SPEG: variants seen among roughly 807,000 people sequenced by gnomAD.
SPEG encodes the protein striated muscle preferentially expressed protein kinase.
SPEG carries 114 observed loss-of-function variants against 300.4 expected under a neutral mutation model. That is an observed-to-expected ratio of 0.38 (90% CI 0.33 to 0.44). SPEG has a LOEUF of 0.44. SPEG is among the 20% of genes least tolerant of loss of function. SPEG has a pLI of 1.00. For synonymous variants in SPEG, 1,964 were observed against 2,018.9 expected, an observed-to-expected ratio of 0.97 and a Z score of 0.73; for missense variants, 4,201 against 4,586.2, an observed-to-expected ratio of 0.92 and a Z score of 2.43.
At position 219,444,541 on chromosome 2, in the gene SPEG, C is replaced by T; in HGVS notation, c.389-112C>T. 1 of 878,150 alleles carries T rather than the reference C, an allele frequency of 1.1e-6. No homozygotes were observed. The highest frequency in any genetic ancestry group is 1.9e-6 in the Non-Finnish European group (1 of 540,004). The allele number at this position is 878,150 out of a possible 1,614,324, so 54.4% of individuals were successfully genotyped here. A position where few individuals can be genotyped will look rare whatever the true frequency, so the allele number is the denominator to read the frequency against. On this transcript the variant is annotated intron_variant, in intron 1 of 40. Coordinates refer to ENST00000312358, the MANE Select transcript of SPEG (RefSeq NM_005876.5). The surrounding 1 kb of genome is among the most constrained non-coding windows in gnomAD (Gnocchi z 7.8). The stretch of plus-strand genomic sequence containing the variant: ...AGCAAAAGAGAGGAGGTGCTGGCAG[C>T]CCTGCCAGTGATAAGATGGAGCCTG...
Position 219,467,663 on chromosome 2 carries a change from T to C in SPEG, c.3142+229T>C, listed in dbSNP as rs1691496598. On this transcript the variant is annotated intron_variant, in intron 10 of 40. Transcript: ENST00000312358. ...TTAACTGTTCCTAGGAGGGAGTGCA[T>C]CTGCTGAGGTGAACGTGGGTTCCCA... Among the ~76,000 whole-genome samples the C allele has an allele frequency of 2.0e-5, 3 of 152,340 alleles. No homozygotes were observed. In the South Asian group the frequency reaches 6.2e-4, roughly 32 times the overall value.
chr2:219,481,364 A>G lies in SPEG; in HGVS notation c.5430A>G (p.Arg1810=). The part of the protein sequence containing the change: ...ENDRTTLMNI[R]NYNVAFEETT... Reference sequence around the variant, plus strand: ...ACCGGACAACATTGATGAACATCCGAAACTACAACGTGGCCTTCGAGGAGA... The same window carrying G: ...ACCGGACAACATTGATGAACATCCGGAACTACAACGTGGCCTTCGAGGAGA... Residue 1810 remains arginine, a synonymous_variant, in exon 27 of 41, where the codon CGA becomes CGG. Coordinates refer to ENST00000312358, the MANE Select transcript of SPEG (RefSeq NM_005876.5). This position sits in a 1 kb window ranked among gnomAD's most constrained non-coding sequence, Gnocchi z 5.4. 1 of 1,614,122 alleles carries G rather than the reference A, an allele frequency of 6.2e-7. No individual in the cohort carries two copies. Among genetic ancestry groups the G allele is most frequent in the Non-Finnish European group, 8.5e-7 (1 of 1,180,026 alleles).
chr2:219,473,444 G>A lies in SPEG; in HGVS notation c.4148-60G>A. On this transcript the variant is annotated intron_variant, in intron 16 of 40. Transcript: ENST00000312358. This position sits in a 1 kb window ranked among gnomAD's most constrained non-coding sequence, Gnocchi z 4.6. ...TGTTGATGAGGGGTGTTAGAGGAGT[G>A]GTGGGTGCTGAGGACCTGATGTCAA... 2 of 1,522,458 alleles carry A rather than the reference G, an allele frequency of 1.3e-6. No homozygotes were observed. Among genetic ancestry groups the A allele is most frequent in the Non-Finnish European group, 9.1e-7 (1 of 1,101,634 alleles). The allele number at this position is 1,522,458 out of a possible 1,614,324, so 94.3% of individuals were successfully genotyped here. A position where few individuals can be genotyped will look rare whatever the true frequency, so the allele number is the denominator to read the frequency against.
intron 3 of SPEG, 109 bp from the exon 4 acceptor site, chr2:219,447,865 C>T (rs1689433007): frequency 3.9e-6 from 4 of 1,019,222 alleles, no homozygotes; most frequent in Admixed American, 4.7e-5. Context: ...TGGCCCATGT[C>T]ACCCCCAAGC....
chr2:219,483,448 A>G lies in SPEG; in HGVS notation c.5985A>G (p.Pro1995=), dbSNP rs1267850217. ...CCAGCCCAGAGGCCCTCCCCTCCCC[A>G]GGCCAGGAGCCCGCAGCTGGGGCTA... ...EAPSPEALPS[P]GQEPAAGASP... The change falls in exon 30 of 41, where the codon CCA becomes CCG. Residue 1995 remains proline (P), a synonymous_variant. Transcript: ENST00000312358. 1.3e-6 allele frequency: 2 copies of G among 1,522,846 alleles called. No homozygotes were observed. The highest frequency in any genetic ancestry group is 1.7e-6 in the Non-Finnish European group (2 of 1,145,044). 94.3% of individuals were successfully genotyped at this position (1,522,846 alleles called of 1,614,324 possible). A position where few individuals can be genotyped will look rare whatever the true frequency, so the allele number is the denominator to read the frequency against.
At position 219,483,948 on chromosome 2, in the gene SPEG, A is replaced by G. The variant is rs1288479431; in HGVS notation, c.6485A>G (p.Gln2162Arg). 4.4e-6 allele frequency: 7 copies of G among 1,606,698 alleles called. No individual in the cohort carries two copies. The highest frequency in any genetic ancestry group is 5.1e-6 in the Non-Finnish European group (6 of 1,179,758). The change falls in exon 30 of 41, where the codon CAG (glutamine) becomes CGG (arginine). Residue 2162 changes from glutamine (Q) to arginine (R), a missense_variant. By Grantham distance (43) the Gln-to-Arg change is conservative (BLOSUM62 1). Coordinates refer to ENST00000312358, the MANE Select transcript of SPEG (RefSeq NM_005876.5). ...GCCAGGCTTGGGGCCCGTAGGCTAC[A>G]GGAGTCTCCTTCCCTGTCTGCCCTC... ...PVARLGARRLQESPSLSALSE... is the reference protein window; with the variant it reads ...PVARLGARRLRESPSLSALSE...
At chr2:219,468,042 G>T (rs894251342) in intron 10 of SPEG, among the ~76,000 whole-genome samples, 1 of 152,224 alleles carries the variant, frequency 6.6e-6, no homozygotes, top group African/African-American at 2.4e-5. Context: ...AGACCTAAGC[G>T]GAAGCTGGAG....
Position 219,443,882 on chromosome 2 carries a change from C to T in SPEG, c.389-771C>T. 1 of 552,244 alleles carries T rather than the reference C, an allele frequency of 1.8e-6. No individual in the cohort carries two copies. Among genetic ancestry groups the T allele is most frequent in the Non-Finnish European group, 3.2e-6 (1 of 311,508 alleles). The allele number at this position is 552,244 out of a possible 1,614,324, so 34.2% of individuals were successfully genotyped here. A position where few individuals can be genotyped will look rare whatever the true frequency, so the allele number is the denominator to read the frequency against. On this transcript the variant is annotated intron_variant, in intron 1 of 40. Coordinates refer to ENST00000312358, the MANE Select transcript of SPEG (RefSeq NM_005876.5). This position sits in a 1 kb window ranked among gnomAD's most constrained non-coding sequence, Gnocchi z 4.6. The stretch of plus-strand genomic sequence containing the variant: ...CCAGTGCTGGGCACATCCCAGGTAT[C>T]TCCCTCCCCACCCATTGCCACAGGA...
At chr2:219,462,921 A>C (rs1028393635) in intron 8 of SPEG, among the ~76,000 whole-genome samples, 13 of 152,198 alleles carry the variant, frequency 8.5e-5, no homozygotes, top group Non-Finnish European at 1.3e-4. Flanking sequence ...CTGTCTCAAA[A>C]ATAAAAATAC....
intron 1 of SPEG, among the ~76,000 whole-genome samples, chr2:219,440,225 A>AT (rs943003152): frequency 6.6e-6 from 1 of 151,676 alleles, no homozygotes; most frequent in Non-Finnish European, 1.5e-5. Flanking sequence ...TCTACTTAAT[A>AT]TTTTTTTAAA....
In SPEG at chr2:219,464,395, C is replaced by T; in HGVS notation, c.2706-38C>T. On this transcript the variant is annotated intron_variant, in intron 8 of 40. Coordinates refer to ENST00000312358, the MANE Select transcript of SPEG (RefSeq NM_005876.5). This position sits in a 1 kb window ranked among gnomAD's most constrained non-coding sequence, Gnocchi z 4.5. ...CAGTTCCTGTGCACGCACATCAGGC[C>T]CCTGGGCCCTGGGACTGAGTTCTTG... 12 of 1,586,994 alleles carry T rather than the reference C, an allele frequency of 7.6e-6. No homozygotes were observed. The highest frequency in any genetic ancestry group is 9.4e-6 in the Non-Finnish European group (11 of 1,170,718).
intron 18 of SPEG, among the ~76,000 whole-genome samples, chr2:219,475,416 T>A (rs993231717): frequency 3.9e-5 from 6 of 152,066 alleles, no homozygotes; most frequent in Non-Finnish European, 8.8e-5. Flanking sequence ...CCCCACCACC[T>A]CCCAGCCCAT....
rs1212054284 is a variant in SPEG at position 219,489,649 on chromosome 2, T to C, written c.8631T>C (p.Leu2877=). 1.2e-5 allele frequency: 19 copies of C among 1,613,982 alleles called. No individual in the cohort carries two copies. The highest frequency in any genetic ancestry group is 1.6e-5 in the Non-Finnish European group (19 of 1,179,996). The change falls in exon 36 of 41, where the codon CTT becomes CTC. Residue 2877 remains leucine (L), a synonymous_variant. Transcript: ENST00000312358. ...CAAGTGAGCCCAAGCCTTTCGTCCT[T>C]GACACTGGGACCCCGATCCCAGCCT... The part of the protein sequence containing the change: ...VTPSEPKPFV[L]DTGTPIPAST...
At chr2:219,460,489 G>A (rs1360373087) in intron 6 of SPEG, 3 of 985,320 alleles carry the variant, frequency 3.0e-6, no homozygotes, top group Admixed American at 6.1e-5. Context: ...TTGGCACAGC[G>A]CAGTGCCACC....
rs1691628386 is a variant in SPEG, at chr2:219,468,980, C to T, written c.3423C>T (p.Thr1141=). 6.2e-7 allele frequency: 1 copy of T among 1,613,822 alleles called. No individual in the cohort carries two copies. Among genetic ancestry groups the T allele is most frequent in the African/African-American group, 1.3e-5 (1 of 74,926 alleles). Reference sequence around the variant, plus strand: ...TCTATGCGGTCAGTGCTGTTAACACCCATGGCCAGGCCCACTGCTCAGCCC... The same window carrying T: ...TCTATGCGGTCAGTGCTGTTAACACTCATGGCCAGGCCCACTGCTCAGCCC... ...EGLYAVSAVN[T]HGQAHCSAQL... Residue 1141 remains threonine (T), a synonymous_variant, in exon 12 of 41, where the codon ACC becomes ACT. Transcript: ENST00000312358.
intron 14 of SPEG, 44 bp from the exon 15 acceptor site, chr2:219,472,183 G>C: frequency 1.9e-6 from 3 of 1,596,288 alleles, no homozygotes; most frequent in Non-Finnish European, 2.6e-6. Flanking sequence ...CTGTGGGGCT[G>C]TTGGGCCCTT....
chr2:219,441,515 C>T (rs189261069), intron 1 of SPEG: 3 of 470,174 alleles, frequency 6.4e-6, no homozygotes, highest in Non-Finnish European at 1.3e-5. Context: ...TTCTGCCTGG[C>T]ACAGTGTGTG....
At position 219,484,494 on chromosome 2, in the gene SPEG, C is replaced by G; in HGVS notation, c.7031C>G (p.Pro2344Arg). 1.2e-6 allele frequency: 2 copies of G among 1,607,798 alleles called. No homozygotes were observed. Among genetic ancestry groups the G allele is most frequent in the Non-Finnish European group, 1.7e-6 (2 of 1,178,710 alleles). Residue 2344 changes from proline (P) to arginine (R), a missense_variant, in exon 30 of 41, where the codon CCC (proline) becomes CGC (arginine). Transcript: ENST00000312358. ...EAKFKRSRES[P>R]LSLGLRLLSR... is the part of the protein sequence containing the mutation. ...AAGTTCAAGCGCAGCCGCGAGTCGC[C>G]CCTGTCGCTGGGGCTGCGGCTGCTG...
rs750550900 is a variant in SPEG at position 219,443,127 on chromosome 2, G to A, written c.389-1526G>A. 23 of 1,612,458 alleles carry A rather than the reference G, an allele frequency of 1.4e-5. No homozygotes were observed. The highest frequency in any genetic ancestry group is 4.4e-5 in the South Asian group (4 of 91,058). On this transcript the variant is annotated intron_variant, in intron 1 of 40. Transcript: ENST00000312358. The surrounding 1 kb of genome is among the most constrained non-coding windows in gnomAD (Gnocchi z 4.6). ...TTTCAGAAAACCGGCCATTCCCGCC[G>A]GGCCTTTGGCCGACTCACCCATGGT...
Sources: gnomAD v4.1 joint callset for allele counts (sites outside exome capture counted in the v4.1 genomes callset) on GRCh38, gnomAD v4.1.1 for gene constraint, Gnocchi (gnomAD v3.1) non-coding constraint, MANE v1.5 for transcripts, NCBI Gene and HGNC (gene_info 2026-07-23, HGNC 2026-07-21) for gene names.